Variants in ATP13A4 observed in about 807,000 individuals in gnomAD.
ATP13A4 encodes probable cation-transporting ATPase 13A4.
In ATP13A4, 114 loss-of-function variants were observed where a neutral mutation model predicts 142.5. That is an observed-to-expected ratio of 0.80 (90% confidence interval 0.69 to 0.93). The LOEUF (loss-of-function observed/expected upper bound fraction) is 0.93. Ranked by LOEUF, ATP13A4 falls within the 40% of genes least tolerant of loss-of-function variation. The pLI, the probability that ATP13A4 is intolerant of heterozygous loss-of-function variation, is 0.00. For synonymous variants in ATP13A4, 488 were observed against 514.8 expected, an observed-to-expected ratio of 0.95 and a Z score of 0.70; for missense variants, 1,392 against 1,454.0, an observed-to-expected ratio of 0.96 and a Z score of 0.69.
chr3:193,566,211 T>C (rs1042767985), intron 2 of ATP13A4, among the ~76,000 whole-genome samples: 3 of 152,200 alleles, frequency 2.0e-5, no homozygotes, highest in Non-Finnish European at 4.4e-5. Flanking sequence ...CTACTCTTTT[T>C]GCTACCTCCC....
intron 1 of ATP13A4, chr3:193,553,649 T>A (rs1345220851): frequency 6.6e-6 from 1 of 152,222 alleles, no homozygotes; most frequent in Non-Finnish European, 1.5e-5. Context: ...AAGTAAAGGA[T>A]ATGGTTAAGA....
At chr3:193,566,468 T>A (rs1724136570) in intron 2 of ATP13A4, among the ~76,000 whole-genome samples, 1 of 152,186 alleles carries the variant, frequency 6.6e-6, no homozygotes, top group Non-Finnish European at 1.5e-5. Flanking sequence ...CTCCTGGGTA[T>A]GCAGCCCGGA....
intron 1 of ATP13A4, among the ~76,000 whole-genome samples, chr3:193,523,826 G>T (rs1053792783): frequency 6.6e-6 from 1 of 152,114 alleles, no homozygotes; most frequent in African/African-American, 2.4e-5. Flanking sequence ...TAGTGGTAGG[G>T]GTCTGGTGCA....
In ATP13A4 at chr3:193,582,636, T is replaced by TAAAA. The variant is rs1274903125; in HGVS notation, n.92-731_92-730insTTTT. 1.3e-3 allele frequency among the ~76,000 whole-genome samples: 118 copies of TAAAA among 88,432 alleles called. 4 individuals are homozygous for TAAAA. Among genetic ancestry groups the TAAAA allele is most frequent in the African/African-American group, 6.1e-3 (105 of 17,122 alleles). 58.0% of individuals were successfully genotyped at this position (88,432 alleles called of 152,430 possible). A position where few individuals can be genotyped will look rare whatever the true frequency, so the allele number is the denominator to read the frequency against. ...ATATTATATATGTATATTACATACA[T>TAAAA]TATATATGTATATTACATACATTAT... On this transcript the variant is annotated intron_variant and non_coding_transcript_variant, in intron 1 of 3. Coordinates refer to the ATP13A4 transcript ENST00000489140.
chr3:193,591,454 T>C lies in ATP13A4; in HGVS notation n.91+1567A>G, dbSNP rs60200846. ...TTATTATACAACAGTTTGCCCTTTT[T>C]TCATGGCAACACTATGTATCTATGG... On this transcript the variant is annotated intron_variant and non_coding_transcript_variant, in intron 1 of 3. Transcript: ENST00000489140. Among the ~76,000 whole-genome samples the C allele has an allele frequency of 7.2e-3, 1,102 of 152,382 alleles. 10 individuals carry two copies. The highest frequency in any genetic ancestry group is 0.021 in the African/African-American group (886 of 41,590).
chr3:193,462,435 G>T (rs1056242641), intron 13 of ATP13A4, among the ~76,000 whole-genome samples: 5 of 152,122 alleles, frequency 3.3e-5, no homozygotes, highest in Non-Finnish European at 5.9e-5. Context: ...TTAAAGGACA[G>T]TGTCCTGGTA....
intron 1 of ATP13A4, chr3:193,553,819 C>G (rs961562178): frequency 1.3e-5 from 2 of 152,168 alleles, no homozygotes; most frequent in Admixed American, 1.3e-4. Context: ...ATGTAATAGT[C>G]AGGGCTAAAG....
At chr3:193,481,195 T>C (rs1393559574) in intron 8 of ATP13A4, among the ~76,000 whole-genome samples, 1 of 152,174 alleles carries the variant, frequency 6.6e-6, no homozygotes, top group Non-Finnish European at 1.5e-5. Context: ...AGGTGATGGC[T>C]GCACCAAAAT....
intron 2 of ATP13A4, among the ~76,000 whole-genome samples, chr3:193,509,202 C>G (rs150140414): frequency 1.5e-3 from 228 of 152,310 alleles, no homozygotes; most frequent in African/African-American, 5.3e-3. Context: ...TAACTCTTAT[C>G]CTTTGGTGCT....
chr3:193,500,787 G>T (rs1417106207), intron 3 of ATP13A4, among the ~76,000 whole-genome samples: 1 of 152,088 alleles, frequency 6.6e-6, no homozygotes, highest in Non-Finnish European at 1.5e-5. Context: ...TACCCTCTTG[G>T]TAATGCTGTT....
intron 2 of ATP13A4, among the ~76,000 whole-genome samples, chr3:193,563,966 A>G (rs1348889393): frequency 2.6e-5 from 4 of 152,334 alleles, no homozygotes; most frequent in Middle Eastern, 3.4e-3. Flanking sequence ...TAGAAGTTGA[A>G]CAGTACTTGA....
At chr3:193,585,303 C>T (rs907203062) in intron 1 of ATP13A4, among the ~76,000 whole-genome samples, 4 of 151,928 alleles carry the variant, frequency 2.6e-5, no homozygotes, top group African/African-American at 7.3e-5. Flanking sequence ...ACCTATAATC[C>T]CAGCTACTCA....
chr3:193,543,099 C>T (rs1271962655), intron 1 of ATP13A4, among the ~76,000 whole-genome samples: 1 of 148,958 alleles, frequency 6.7e-6, no homozygotes, highest in Non-Finnish European at 1.5e-5. Flanking sequence ...ACCCAGGAGG[C>T]GGAGCTTGTA....
chr3:193,412,286 T>C lies in ATP13A4; in HGVS notation c.3100A>G (p.Thr1034Ala). 2 of 1,613,686 alleles carry C rather than the reference T, an allele frequency of 1.2e-6. No individual in the cohort carries two copies. Among genetic ancestry groups the C allele is most frequent in the Non-Finnish European group, 1.7e-6 (2 of 1,179,588 alleles). The change falls in exon 27 of 30, where the codon ACA becomes GCA. Residue 1034 changes from threonine to alanine, a missense_variant. Coordinates refer to ENST00000342695, the MANE Select transcript of ATP13A4 (RefSeq NM_032279.4). Reference protein sequence around the residue: ...PEKMESNSTFTSFENTTVWFL... With the variant: ...PEKMESNSTFASFENTTVWFL... ...CAGACTGTAGTGTTCTCAAAACTTG[T>C]GAAGGTGCTATTACTTTCCATTTTT...
intron 1 of ATP13A4, among the ~76,000 whole-genome samples, chr3:193,550,655 T>G (rs1723504154): frequency 6.6e-6 from 1 of 152,220 alleles, no homozygotes; most frequent in South Asian, 2.1e-4. Flanking sequence ...GCATATTTAC[T>G]TCATTCTTTA....
intron 8 of ATP13A4, among the ~76,000 whole-genome samples, chr3:193,471,778 T>C (rs1718639513): frequency 6.6e-6 from 1 of 152,200 alleles, no homozygotes; most frequent in Non-Finnish European, 1.5e-5. Context: ...TCTTCCCTGC[T>C]TCCTGATTGC....
chr3:193,578,437 G>T (rs1724457945), intron 2 of ATP13A4, among the ~76,000 whole-genome samples: 2 of 152,068 alleles, frequency 1.3e-5, no homozygotes, highest in South Asian at 2.1e-4. Context: ...CTGCCATTTT[G>T]GTGGTTCTCT....
chr3:193,544,229 TTGAAGCCGGA>T (rs1560272851), intron 1 of ATP13A4, among the ~76,000 whole-genome samples: 2 of 152,188 alleles, frequency 1.3e-5, no homozygotes, highest in African/African-American at 4.8e-5. Context: ...CAAAAATCAA[TTGAAGCCGGA>T]TGAAGGATAA....
intron 5 of ATP13A4, among the ~76,000 whole-genome samples, chr3:193,492,071 G>C (rs1268215252): frequency 1.3e-5 from 2 of 152,166 alleles, no homozygotes; most frequent in East Asian, 3.9e-4. Context: ...AAATGTATGA[G>C]AGCAGTGCTT....
Sources: gnomAD v4.1 joint callset for allele counts (sites outside exome capture counted in the v4.1 genomes callset) on GRCh38, gnomAD v4.1.1 for gene constraint, MANE v1.5 for transcripts, NCBI Gene and HGNC (gene_info 2026-07-23, HGNC 2026-07-21) for gene names.